WDR41: variants seen among roughly 807,000 people sequenced by gnomAD.
WDR41 encodes the protein WD repeat domain 41, also known as WD repeat-containing protein 41.
WDR41 carries 63 observed loss-of-function variants against 69.3 expected under a neutral mutation model. The observed-to-expected ratio is 0.91, with a 90% CI of 0.74 to 1.12. The LOEUF (loss-of-function observed/expected upper bound fraction) is 1.12. Ranked by LOEUF, WDR41 falls within the 50% of genes most tolerant of loss-of-function variation. The pLI is 0.00. For synonymous variants in WDR41, 185 were observed against 192.1 expected, an observed-to-expected ratio of 0.96 and a Z score of 0.31; for missense variants, 543 against 534.5, an observed-to-expected ratio of 1.02 and a Z score of -0.16.
chr5:77,433,400 G>A, intron 12 of WDR41, 113 bp from the exon 13 acceptor site: 1 of 839,652 alleles, frequency 1.2e-6, no homozygotes, highest in Non-Finnish European at 1.7e-6. Context: ...CTTTGGATCT[G>A]GGTGTAGAAC....
intron 1 of WDR41, among the ~76,000 whole-genome samples, chr5:77,550,882 A>G (rs1208043966): frequency 6.6e-6 from 1 of 152,234 alleles, no homozygotes; most frequent in Non-Finnish European, 1.5e-5. Context: ...GTACATGTAT[A>G]CCATGGAATA....
chr5:77,434,317 A>G (rs1798853055), intron 12 of WDR41, among the ~76,000 whole-genome samples: 1 of 150,922 alleles, frequency 6.6e-6, no homozygotes, highest in African/African-American at 2.4e-5. Context: ...CTCTCGGGAA[A>G]AAAAACAAGA....
chr5:77,476,038 A>G (rs374999064), intron 2 of WDR41, among the ~76,000 whole-genome samples: 5 of 152,206 alleles, frequency 3.3e-5, no homozygotes, highest in Non-Finnish European at 5.9e-5. Context: ...GAAGCCTCAG[A>G]AGCCGATGCG....
At chr5:77,464,402 T>C (rs1800204490) in intron 3 of WDR41, among the ~76,000 whole-genome samples, 2 of 150,132 alleles carry the variant, frequency 1.3e-5, no homozygotes, top group Admixed American at 6.7e-5. Context: ...TGTGCCACTA[T>C]GCCCAGCTGA....
chr5:77,543,116 A>G (rs780477379), intron 1 of WDR41, among the ~76,000 whole-genome samples: 1 of 152,238 alleles, frequency 6.6e-6, no homozygotes, highest in Non-Finnish European at 1.5e-5. Flanking sequence ...AGAGTACTAC[A>G]TCAAGGGAAC....
At chr5:77,464,712 C>T in intron 3 of WDR41, 49 bp downstream of exon 3, 2 of 1,570,502 alleles carry the variant, frequency 1.3e-6, no homozygotes, top group Non-Finnish European at 1.8e-6. Flanking sequence ...ACATACTCAA[C>T]TACATCATCA....
chr5:77,446,056 T>C (rs1352257237), intron 8 of WDR41, among the ~76,000 whole-genome samples: 2 of 152,198 alleles, frequency 1.3e-5, no homozygotes, highest in African/African-American at 4.8e-5. Flanking sequence ...CTCCTTAAAC[T>C]GATAAGCAAC....
chr5:77,461,573 C>T (rs186298073), intron 4 of WDR41, among the ~76,000 whole-genome samples: 31 of 152,356 alleles, frequency 2.0e-4, no homozygotes, highest in Admixed American at 1.8e-3. Flanking sequence ...AACAGTGGCT[C>T]ATGCCAGTAA....
chr5:77,451,911 G>C (rs1378890151), intron 6 of WDR41: 1 of 151,996 alleles, frequency 6.6e-6, no homozygotes, highest in Non-Finnish European at 1.5e-5. Flanking sequence ...TTTAAGTAAA[G>C]AGGTTAATGA....
intron 1 of WDR41, among the ~76,000 whole-genome samples, chr5:77,541,492 T>C (rs1376082503): frequency 7.0e-6 from 1 of 143,118 alleles, no homozygotes; most frequent in Non-Finnish European, 1.5e-5. Flanking sequence ...GAATTCTTTT[T>C]TTTTTTTTTT....
chr5:77,462,077 C>T (rs943632313), intron 4 of WDR41, among the ~76,000 whole-genome samples: 2 of 152,030 alleles, frequency 1.3e-5, no homozygotes, highest in African/African-American at 4.8e-5. Context: ...GTTACTTAGC[C>T]TCTGTGTGAC....
At chr5:77,515,491 T>C (rs1802279255) in intron 1 of WDR41, among the ~76,000 whole-genome samples, 1 of 152,198 alleles carries the variant, frequency 6.6e-6, no homozygotes. Context: ...AGTTAACATT[T>C]TTTTTATAAG....
intron 5 of WDR41, among the ~76,000 whole-genome samples, chr5:77,457,165 G>C (rs1799867292): frequency 6.6e-6 from 1 of 152,114 alleles, no homozygotes; most frequent in Non-Finnish European, 1.5e-5. Flanking sequence ...AGATGATCCT[G>C]TGGTTTTTGT....
chr5:77,459,755 A>G (rs1484679106), intron 4 of WDR41, among the ~76,000 whole-genome samples: 1 of 152,228 alleles, frequency 6.6e-6, no homozygotes, highest in Non-Finnish European at 1.5e-5. Context: ...TGTACTACGT[A>G]TACAAATGTA....
chr5:77,433,313 T>TA, intron 12 of WDR41, 26 bp from the exon 13 acceptor site: 1 of 1,602,588 alleles, frequency 6.2e-7, no homozygotes, highest in South Asian at 1.1e-5. Context: ...AAACTGATTA[T>TA]AGGGACCCCG....
chr5:77,494,904 C>T (rs1801915378), upstream of WDR41, among the ~76,000 whole-genome samples: 1 of 152,126 alleles, frequency 6.6e-6, no homozygotes, highest in African/African-American at 2.4e-5. Context: ...TGTTAGGCCA[C>T]AAAATAAGTC....
chr5:77,597,257 T>C (rs765717613), intron 1 of WDR41, among the ~76,000 whole-genome samples: 5 of 152,176 alleles, frequency 3.3e-5, no homozygotes, highest in Non-Finnish European at 7.4e-5. Flanking sequence ...TATAATTCTT[T>C]GTATAGGGAG....
chr5:77,476,396 G>A (rs1800932587), intron 2 of WDR41, among the ~76,000 whole-genome samples: 1 of 151,712 alleles, frequency 6.6e-6, no homozygotes, highest in Non-Finnish European at 1.5e-5. Context: ...TTGAAATGAA[G>A]GAAAAAATGT....
chr5:77,609,715 A>C (rs1311661737), intron 1 of WDR41, among the ~76,000 whole-genome samples: 1 of 152,180 alleles, frequency 6.6e-6, no homozygotes, highest in Non-Finnish European at 1.5e-5. Context: ...GAAAAAACAG[A>C]GCAGAAAAAC....
Sources: gnomAD v4.1 joint callset for allele counts (sites outside exome capture counted in the v4.1 genomes callset) on GRCh38, gnomAD v4.1.1 for gene constraint, MANE v1.5 for transcripts, NCBI Gene and HGNC (gene_info 2026-07-23, HGNC 2026-07-21) for gene names.